RCC1L: variants seen among roughly 807,000 people sequenced by gnomAD.
RCC1L encodes RCC1 like, also known as RCC1-like G exchanging factor-like protein.
RCC1L carries 46 observed loss-of-function variants against 58.6 expected under a neutral mutation model. The observed-to-expected ratio is 0.79, with a 90% CI of 0.62 to 1.00. The LOEUF (loss-of-function observed/expected upper bound fraction) is 1.00, where lower values mean the gene tolerates loss of function less well. RCC1L is among the 50% of genes least tolerant of loss of function. The pLI is 0.00. For missense variants in RCC1L, 636 were observed against 623.6 expected, an observed-to-expected ratio of 1.02 and a Z score of -0.21; for synonymous variants, 281 against 262.9, an observed-to-expected ratio of 1.07 and a Z score of -0.67.
chr7:75,064,564 G>A lies in RCC1L; in HGVS notation c.650+18C>T, dbSNP rs1806392799. ...ACTTAACTCAACATGGGGAAGGGTA[G>A]GCCTTTTAGGAACTCACCTGTAAAT... On this transcript the variant is annotated intron_variant, in intron 4 of 10. Transcript: ENST00000610322. 6.2e-6 allele frequency: 10 copies of A among 1,613,420 alleles called. No homozygotes were observed. Among genetic ancestry groups the A allele is most frequent in the Non-Finnish European group, 8.5e-6 (10 of 1,179,600 alleles).
intron 10 of RCC1L, among the ~76,000 whole-genome samples, chr7:75,034,430 C>G (rs1035887176): frequency 6.6e-6 from 1 of 152,120 alleles, no homozygotes; most frequent in Non-Finnish European, 1.5e-5. Flanking sequence ...GCAGGAGAAT[C>G]GCTTGAACCA....
In RCC1L at chr7:75,049,882, GAACA is replaced by G. The variant is rs1251691559; in HGVS notation, c.1317+2825_1317+2828del. On this transcript the variant is annotated intron_variant, in intron 10 of 10. Transcript: ENST00000610322. Reference sequence around the variant, plus strand: ...TGACAGAGCAAGACCCTGTCTAAAAGAACAAACAAACAAAACAAAGAAAAGAAAA... The same window carrying G: ...TGACAGAGCAAGACCCTGTCTAAAAGAACAAACAAAACAAAGAAAAGAAAA... Among the ~76,000 whole-genome samples, 54 of 151,656 alleles carry G rather than the reference GAACA, an allele frequency of 3.6e-4. 1 individual carries two copies. In the East Asian group the frequency reaches 0.01, roughly 29 times the overall value.
At chr7:75,049,981 G>A (rs934967463) in intron 10 of RCC1L, among the ~76,000 whole-genome samples, 9 of 152,294 alleles carry the variant, frequency 5.9e-5, no homozygotes, top group Admixed American at 5.9e-4. Context: ...ATCCAAAGAG[G>A]ACAGGGGTCG....
Position 75,073,532 on chromosome 7 carries a change from G to C in RCC1L, c.206C>G (p.Ser69Trp). The C allele has an allele frequency of 6.9e-7, 1 of 1,452,906 alleles. No homozygotes were observed. Among genetic ancestry groups the C allele is most frequent in the Admixed American group, 2.8e-5 (1 of 35,800 alleles). 90.0% of individuals were successfully genotyped at this position (1,452,906 alleles called of 1,614,324 possible). The change falls in exon 1 of 11, where the codon TCG (serine) becomes TGG (tryptophan). Residue 69 changes from serine to tryptophan, a missense_variant. Transcript: ENST00000610322. ...DRVFVWGFSF[S>W]GALGVPSFVV... ...AAAGGAAGGCACGCCCAGCGCCCCCGAGAAGCTGAAGCCCCACACGAAGAC... is the reference window on the plus strand; with the variant it reads ...AAAGGAAGGCACGCCCAGCGCCCCCCAGAAGCTGAAGCCCCACACGAAGAC...
chr7:75,029,387 A>G, intron 10 of RCC1L, among the ~76,000 whole-genome samples: 1 of 140,678 alleles, frequency 7.1e-6, no homozygotes, highest in Non-Finnish European at 1.5e-5. Context: ...TTTTTGAGAC[A>G]GGCTGGAGTG....
intron 1 of RCC1L, among the ~76,000 whole-genome samples, chr7:75,073,189 A>G (rs1554446403): frequency 1.3e-5 from 2 of 152,178 alleles, no homozygotes; most frequent in Non-Finnish European, 2.9e-5. Flanking sequence ...CTGGGTGCTA[A>G]GCGAATGACA....
At chr7:75,028,023 C>A in exon 11 of RCC1L, 2 of 1,534,806 alleles carry the variant, frequency 1.3e-6, no homozygotes, top group East Asian at 2.4e-5. Context: ...GTCCATCCCC[C>A]GGAGGTAATC....
chr7:75,073,390 G>A, intron 1 of RCC1L, 24 bp downstream of exon 1: 3 of 1,045,142 alleles, frequency 2.9e-6, no homozygotes, highest in South Asian at 4.4e-5. Context: ...GAGAAGGAGA[G>A]AAGGAGGAAG....
At chr7:75,069,676 C>T (rs1554445722) in intron 2 of RCC1L, among the ~76,000 whole-genome samples, 4 of 152,120 alleles carry the variant, frequency 2.6e-5, no homozygotes, top group Non-Finnish European at 5.9e-5. Flanking sequence ...ATTCTTGTGC[C>T]TCAGCCTCCG....
At chr7:75,028,737 C>T (rs1411529939) in intron 10 of RCC1L, among the ~76,000 whole-genome samples, 1 of 152,316 alleles carries the variant, frequency 6.6e-6, no homozygotes, top group South Asian at 2.1e-4. Flanking sequence ...CACCTCCTTC[C>T]TCCATGGGCA....
At chr7:75,041,357 T>C (rs587595833), downstream of RCC1L, among the ~76,000 whole-genome samples, 154 of 152,182 alleles carry the variant, frequency 1.0e-3, 1 homozygote, top group African/African-American at 3.5e-3. Context: ...CCCTAGAATG[T>C]AAGCTTCACG....
chr7:75,050,965 C>T (rs1369396409), intron 10 of RCC1L, among the ~76,000 whole-genome samples: 14 of 151,750 alleles, frequency 9.2e-5, no homozygotes, highest in African/African-American at 2.2e-4. Context: ...TGGTGGTGTA[C>T]GCCTGTGGTC....
Position 75,042,880 on chromosome 7 carries a change from C to A in RCC1L, c.*152G>T, listed in dbSNP as rs1308988612. 3.4e-6 allele frequency: 5 copies of A among 1,478,068 alleles called. No individual in the cohort carries two copies. The highest frequency in any genetic ancestry group is 4.5e-6 in the Non-Finnish European group (5 of 1,107,886). 91.6% of individuals were successfully genotyped at this position (1,478,068 alleles called of 1,614,324 possible). Reference sequence around the variant, plus strand: ...CTTGCCCTGATCCTCCTGGTAGGTACCCGCTAAGGGATTCAGGACAGAGCG... The same window carrying A: ...CTTGCCCTGATCCTCCTGGTAGGTAACCGCTAAGGGATTCAGGACAGAGCG... On this transcript the variant is annotated 3_prime_UTR_variant, in exon 11 of 11. Transcript: ENST00000610322.
At position 75,045,572 on chromosome 7, in the gene RCC1L, G is replaced by A. The variant is rs930246815; in HGVS notation, c.1318-2463C>T. Among the ~76,000 whole-genome samples the A allele has an allele frequency of 3.2e-3, 476 of 150,906 alleles. 3 individuals are homozygous for A. Among genetic ancestry groups the A allele is most frequent in the African/African-American group, 0.011 (462 of 41,036 alleles). On this transcript the variant is annotated intron_variant, in intron 10 of 10. Transcript: ENST00000610322. The stretch of plus-strand genomic sequence containing the variant: ...CGCTCTGTCACCAGGCTAGAGTGCA[G>A]TGGCGCAATCTCAGTTCACTGCAAC...
intron 10 of RCC1L, among the ~76,000 whole-genome samples, chr7:75,035,474 G>A (rs1805415214): frequency 6.6e-6 from 1 of 152,044 alleles, no homozygotes; most frequent in South Asian, 2.1e-4. Context: ...ATTAAATGAC[G>A]CAAATGTCAA....
chr7:75,052,589 C>T, intron 10 of RCC1L, 122 bp downstream of exon 10: 1 of 897,440 alleles, frequency 1.1e-6, no homozygotes, highest in Non-Finnish European at 1.8e-6. Context: ...CAGCCAGGAC[C>T]CGGAAGGGGG....
At chr7:75,036,989 T>C (rs1805441858) in intron 10 of RCC1L, among the ~76,000 whole-genome samples, 1 of 152,086 alleles carries the variant, frequency 6.6e-6, no homozygotes, top group South Asian at 2.1e-4. Context: ...CCTGAGCCTA[T>C]CCAGTCTGAG....
chr7:75,041,863 CAAAAAAA>C (rs1201913828), downstream of RCC1L, among the ~76,000 whole-genome samples: 2 of 64,486 alleles, frequency 3.1e-5, no homozygotes, highest in African/African-American at 4.1e-5. Flanking sequence ...GACTCTGTCT[CAAAAAAA>C]AAAAAAAAAA....
At chr7:75,071,931 CAA>C (rs1554446176) in intron 1 of RCC1L, among the ~76,000 whole-genome samples, 10 of 150,928 alleles carry the variant, frequency 6.6e-5, no homozygotes, top group Non-Finnish European at 1.5e-5. Flanking sequence ...GCCTAGGCAA[CAA>C]AGTGACAACC....
Sources: gnomAD v4.1 joint callset for allele counts (sites outside exome capture counted in the v4.1 genomes callset) on GRCh38, gnomAD v4.1.1 for gene constraint, MANE v1.5 for transcripts, NCBI Gene and HGNC (gene_info 2026-07-23, HGNC 2026-07-21) for gene names.